PRAME: variants seen among roughly 807,000 people sequenced by gnomAD.
The protein encoded by PRAME is melanoma antigen preferentially expressed in tumors.
A neutral mutation model predicts 32.1 loss-of-function variants in PRAME; 21 were observed. The ratio of observed to expected loss-of-function variants is 0.65; its 90% confidence interval spans 0.46 to 0.94. PRAME has a LOEUF of 0.94. Ranked by LOEUF, PRAME falls within the 40% of genes least tolerant of loss-of-function variation. PRAME has a pLI of 0.00. For synonymous variants in PRAME, 274 were observed against 251.5 expected, an observed-to-expected ratio of 1.09 and a Z score of -0.85; for missense variants, 651 against 622.3, an observed-to-expected ratio of 1.05 and a Z score of -0.49.
chr22:22,556,697 C>T, intron 3 of PRAME, 115 bp downstream of exon 3: 2 of 1,262,900 alleles, frequency 1.6e-6, no homozygotes, highest in Non-Finnish European at 2.3e-6. Context: ...CGGCTCCTGC[C>T]TCTTCGTCTA....
chr22:22,548,406 G>A lies in PRAME; in HGVS notation c.1191C>T (p.Ala397=). The change falls in exon 6 of 6, where the codon GCC becomes GCT. Residue 397 remains alanine, a synonymous_variant. Transcript: ENST00000405655. ...AGCAGTGGCTCAGGGAAGGCAGGAG[G>A]GCAAGGAGCTGATCATCCGTGATCC... The part of the protein sequence containing the change: ...ECGITDDQLL[A]LLPSLSHCSQ... 4 of 1,613,504 alleles carry A rather than the reference G, an allele frequency of 2.5e-6. No individual in the cohort carries two copies. Among genetic ancestry groups the A allele is most frequent in the Non-Finnish European group, 3.4e-6 (4 of 1,179,936 alleles).
Position 22,556,803 on chromosome 22 carries a change from CCTT to C in PRAME, c.21+6_21+8del, listed in dbSNP as rs756197094. The C allele has an allele frequency of 1.3e-5, 21 of 1,612,558 alleles. No homozygotes were observed. In the South Asian group the frequency reaches 2.1e-4, roughly 16 times the overall value. The stretch of plus-strand genomic sequence containing the variant: ...TGAGCACCTCAGACAGCTCAGGGGA[CCTT>C]CTTACCCACAAACGCCTTCGTTCCA... On this transcript the variant is annotated splice_donor_region_variant and intron_variant, in intron 3 of 5. Transcript: ENST00000405655.
chr22:22,555,221 T>C (rs1338421198), intron 3 of PRAME, among the ~76,000 whole-genome samples: 1 of 151,920 alleles, frequency 6.6e-6, no homozygotes, highest in Admixed American at 6.6e-5. Context: ...CCCTCCTCTC[T>C]AGTCATAGAA....
intron 3 of PRAME, among the ~76,000 whole-genome samples, chr22:22,552,228 G>A (rs954065533): frequency 6.6e-5 from 10 of 150,898 alleles, no homozygotes; most frequent in Non-Finnish European, 1.0e-4. Flanking sequence ...TAGTTAAAAT[G>A]GAATATTTTT....
In PRAME at chr22:22,551,032, C is replaced by T. The variant is rs755694161; in HGVS notation, c.79G>A (p.Val27Met). Residue 27 changes from valine to methionine, a missense_variant, in exon 4 of 6, where the codon GTG (valine) becomes ATG (methionine). Coordinates refer to ENST00000405655, the MANE Select transcript of PRAME (RefSeq NM_206956.3). The part of the protein sequence containing the change: ...MSVWTSPRRL[V>M]ELAGQSLLKD... ...AGCAGGCTCTGCCCTGCCAGCTCCA[C>T]AAGTCTCCGTGGGCTTGTCCACACA... 36 of 1,610,080 alleles carry T rather than the reference C, an allele frequency of 2.2e-5. No individual in the cohort carries two copies. The highest frequency in any genetic ancestry group is 5.3e-5 in the African/African-American group (4 of 74,806).
rs1185943971 is a variant in PRAME at position 22,549,883 on chromosome 22, G to A, written c.796C>T (p.Leu266Phe). 3.1e-6 allele frequency: 5 copies of A among 1,613,740 alleles called. No individual in the cohort carries two copies. The highest frequency in any genetic ancestry group is 3.3e-5 in the Admixed American group (2 of 59,954). ...LGQMINLRRL[L>F]LSHIHASSYI... ...GAAGATGCATGGATGTGGGAGAGGA[G>A]GAGTCTACGCAGATTAATCATCTGG... The change falls in exon 5 of 6, where the codon CTC (leucine) becomes TTC (phenylalanine). Residue 266 changes from leucine (L) to phenylalanine (F), a missense_variant. Transcript: ENST00000405655.
chr22:22,549,743 G>A lies in PRAME; in HGVS notation c.936C>T (p.Arg312=), dbSNP rs916643147. The A allele has an allele frequency of 2.5e-6, 4 of 1,605,870 alleles. No individual in the cohort carries two copies. Among genetic ancestry groups the A allele is most frequent in the African/African-American group, 1.3e-5 (1 of 74,392 alleles). The change falls in exon 5 of 6, where the codon CGC becomes CGT. Residue 312 remains arginine, a synonymous_variant. Coordinates refer to ENST00000405655, the MANE Select transcript of PRAME (RefSeq NM_206956.3). ...TCCCTCACCTGAGCAACTGATCCAG[G>A]CGGCCTCTAAGGAAAAATAAAGAGT... ...YVDSLFFLRG[R]LDQLLRHVMN... is the part of the protein sequence containing the mutation.
Position 22,551,521 on chromosome 22 carries a change from G to C in PRAME, c.22-432C>G, listed in dbSNP as rs565784569. Among the ~76,000 whole-genome samples the C allele has an allele frequency of 3.5e-3, 538 of 152,010 alleles. 3 individuals are homozygous for C. Among genetic ancestry groups the C allele is most frequent in the Non-Finnish European group, 5.9e-3 (399 of 68,004 alleles). On this transcript the variant is annotated intron_variant, in intron 3 of 5. Coordinates refer to ENST00000405655, the MANE Select transcript of PRAME (RefSeq NM_206956.3). ...TCCAACAAATAAGCCAGATGGGAAA[G>C]ATGAGGAACACACACACAATGCACA...
intron 4 of PRAME, 72 bp from the exon 5 acceptor site, chr22:22,550,406 T>C (rs1008098540): frequency 4.6e-6 from 7 of 1,534,210 alleles, no homozygotes; most frequent in Non-Finnish European, 4.4e-6. Flanking sequence ...ATGAGTCTCA[T>C]AATGTAGGTA....
At chr22:22,556,031 T>C (rs1270045732) in intron 3 of PRAME, 2 of 395,824 alleles carry the variant, frequency 5.1e-6, no homozygotes, top group East Asian at 7.4e-5. Context: ...TTCACTCTTG[T>C]TGCCCAGGCT....
In PRAME at chr22:22,551,710, G is replaced by A. The variant is rs556500373; in HGVS notation, c.22-621C>T. ...TATTAAGAGTTACTACTTTGACATG[G>A]AAATCAGCGGAGCAAACACTTCACA... is the stretch of plus-strand genomic sequence containing the variant. On this transcript the variant is annotated intron_variant, in intron 3 of 5. Transcript: ENST00000405655. Among the ~76,000 whole-genome samples, 54 of 151,822 alleles carry A rather than the reference G, an allele frequency of 3.6e-4. 1 individual carries two copies. The highest frequency in any genetic ancestry group is 5.6e-4 in the Non-Finnish European group (38 of 67,972).
In PRAME at chr22:22,548,049, T is replaced by C; in HGVS notation, c.*18A>G. 6.3e-7 allele frequency: 1 copy of C among 1,592,816 alleles called. No individual in the cohort carries two copies. Among genetic ancestry groups the C allele is most frequent in the Non-Finnish European group, 8.6e-7 (1 of 1,167,786 alleles). On this transcript the variant is annotated 3_prime_UTR_variant, in exon 6 of 6. Coordinates refer to ENST00000405655, the MANE Select transcript of PRAME (RefSeq NM_206956.3). ...GTGTCCAAGTATGCAGAATGAAGCATTTGATATGTGCACCCAGCTAATTAG... is the reference window on the plus strand; with the variant it reads ...GTGTCCAAGTATGCAGAATGAAGCACTTGATATGTGCACCCAGCTAATTAG...
intron 3 of PRAME, 52 bp from the exon 4 acceptor site, chr22:22,551,141 A>G (rs758238291): frequency 6.8e-7 from 1 of 1,478,994 alleles, no homozygotes; most frequent in South Asian, 1.4e-5. Context: ...AGCATAAGCA[A>G]CTCTATCTTT....
In PRAME at chr22:22,556,002, T is replaced by C; in HGVS notation, c.21+810A>G. Reference sequence around the variant, plus strand: ...TCCACAATGCATTAAGATTTTTTTTTTTTTTTTGGAGGAGGAGTTTCACTC... The same window carrying C: ...TCCACAATGCATTAAGATTTTTTTTCTTTTTTTGGAGGAGGAGTTTCACTC... On this transcript the variant is annotated intron_variant, in intron 3 of 5. Coordinates refer to ENST00000405655, the MANE Select transcript of PRAME (RefSeq NM_206956.3). The C allele has an allele frequency of 7.1e-6, 3 of 423,942 alleles. No homozygotes were observed. In the Middle Eastern group the frequency reaches 1.1e-3, roughly 149 times the overall value. 26.3% of individuals were successfully genotyped at this position (423,942 alleles called of 1,614,324 possible).
At chr22:22,552,821 T>C (rs1038251525) in intron 3 of PRAME, 6 of 470,532 alleles carry the variant, frequency 1.3e-5, no homozygotes, top group South Asian at 7.7e-5. Context: ...GACCCAGCTG[T>C]GGTGCAGAAG....
At chr22:22,558,304 C>G (rs1293391266) in intron 1 of PRAME, among the ~76,000 whole-genome samples, 1 of 2,962 alleles carries the variant, frequency 3.4e-4, no homozygotes, top group Non-Finnish European at 7.0e-4. Flanking sequence ...GTGAGGATGG[C>G]GGAAGGTAGA....
intron 3 of PRAME, chr22:22,554,150 C>T (rs2062765822): frequency 1.0e-6 from 1 of 985,116 alleles, no homozygotes; most frequent in African/African-American, 1.7e-5. Context: ...GGGATGATTC[C>T]TATCCTGGGC....
Position 22,550,077 on chromosome 22 carries a change from C to A in PRAME, c.602G>T (p.Arg201Leu), listed in dbSNP as rs150934694. The change falls in exon 5 of 6, where the codon CGA (arginine) becomes CTA (leucine). Residue 201 changes from arginine to leucine, a missense_variant. Transcript: ENST00000405655. ...GCACAGGCGTAGTACATTTTTCTTTCGCTTCACTTTCTCAATGAGGTAGGA... is the reference window on the plus strand; with the variant it reads ...GCACAGGCGTAGTACATTTTTCTTTAGCTTCACTTTCTCAATGAGGTAGGA... ...LFSYLIEKVK[R>L]KKNVLRLCCK... is the part of the protein sequence containing the mutation. 6.2e-7 allele frequency: 1 copy of A among 1,613,882 alleles called. No individual in the cohort carries two copies. The highest frequency in any genetic ancestry group is 8.5e-7 in the Non-Finnish European group (1 of 1,179,968).
At chr22:22,554,488 C>G (rs2062783725) in intron 3 of PRAME, among the ~76,000 whole-genome samples, 1 of 151,918 alleles carries the variant, frequency 6.6e-6, no homozygotes, top group Non-Finnish European at 1.5e-5. Flanking sequence ...CATCTTCACT[C>G]ATCAGCTGCG....
Sources: gnomAD v4.1 joint callset for allele counts (sites outside exome capture counted in the v4.1 genomes callset) on GRCh38, gnomAD v4.1.1 for gene constraint, MANE v1.5 for transcripts, NCBI Gene and HGNC (gene_info 2026-07-23, HGNC 2026-07-21) for gene names.